Variants in NPSR1 observed in about 807,000 individuals in gnomAD.
The protein encoded by NPSR1 is neuropeptide S receptor.
In NPSR1, 48 loss-of-function variants were observed where a neutral mutation model predicts 46.9. The ratio of observed to expected loss-of-function variants is 1.02; its 90% confidence interval spans 0.81 to 1.30. NPSR1 has a LOEUF of 1.30. Among genes scored for constraint, NPSR1 ranks in the 50% most tolerant of loss-of-function variants. NPSR1 has a pLI of 0.00. For missense variants in NPSR1, 450 were observed against 449.5 expected, an observed-to-expected ratio of 1.00 and a Z score of -0.01; for synonymous variants, 176 against 168.1, an observed-to-expected ratio of 1.05 and a Z score of -0.36.
At chr7:34,663,825 C>A (rs1341082856) in intron 1 of NPSR1, among the ~76,000 whole-genome samples, 1 of 152,214 alleles carries the variant, frequency 6.6e-6, no homozygotes, top group Non-Finnish European at 1.5e-5. Context: ...AAACCCATTT[C>A]TCTTCCAGCT....
chr7:34,765,017 C>T (rs1786364625), intron 2 of NPSR1, among the ~76,000 whole-genome samples: 2 of 152,088 alleles, frequency 1.3e-5, no homozygotes, highest in Non-Finnish European at 2.9e-5. Flanking sequence ...GGCATTAAAA[C>T]CCTTCAGCGT....
chr7:34,746,566 T>A (rs1444795002), intron 2 of NPSR1, among the ~76,000 whole-genome samples: 2 of 152,330 alleles, frequency 1.3e-5, no homozygotes, highest in East Asian at 3.9e-4. Flanking sequence ...TGCTGTAATA[T>A]TTTTGCTTCT....
chr7:34,764,937 G>A (rs1180376432), intron 2 of NPSR1, among the ~76,000 whole-genome samples: 4 of 152,134 alleles, frequency 2.6e-5, no homozygotes, highest in African/African-American at 9.7e-5. Flanking sequence ...AAAACCACCA[G>A]TAGCAAGCAT....
chr7:34,757,718 C>T (rs529660907), intron 2 of NPSR1, among the ~76,000 whole-genome samples: 1 of 152,174 alleles, frequency 6.6e-6, no homozygotes, highest in Non-Finnish European at 1.5e-5. Flanking sequence ...AGTGACCCAA[C>T]CTCGGCCCAA....
At chr7:34,704,050 C>T (rs893976483) in intron 2 of NPSR1, 15 of 152,292 alleles carry the variant, frequency 9.8e-5, no homozygotes, top group African/African-American at 2.9e-4. Context: ...CTTAGGAATT[C>T]TCTGCCCTCA....
At chr7:34,809,549 T>C (rs960575173) in intron 3 of NPSR1, among the ~76,000 whole-genome samples, 2 of 149,730 alleles carry the variant, frequency 1.3e-5, no homozygotes, top group African/African-American at 2.5e-5. Context: ...CTGCAAGCTC[T>C]GCCTCCCGGG....
chr7:34,875,468 A>G (rs920067270), intron 8 of NPSR1, among the ~76,000 whole-genome samples: 1 of 152,190 alleles, frequency 6.6e-6, no homozygotes, highest in East Asian at 1.9e-4. Flanking sequence ...AAGGAATGAG[A>G]TGGAAGGCTG....
chr7:34,780,314 G>T (rs1055589682), intron 3 of NPSR1, among the ~76,000 whole-genome samples: 1 of 152,042 alleles, frequency 6.6e-6, no homozygotes, highest in Non-Finnish European at 1.5e-5. Flanking sequence ...GATAACCTAT[G>T]GTTTCTCCCA....
intron 3 of NPSR1, among the ~76,000 whole-genome samples, chr7:34,790,746 A>AATATATATGTTATATGTTATATATAAT (rs111929376): frequency 6.7e-5 from 7 of 104,664 alleles, no homozygotes; most frequent in African/African-American, 2.4e-4. Flanking sequence ...TGTTATATAT[A>AATATATATGTTATATGTTATATATAAT]ATATATGTTA....
intron 6 of NPSR1, among the ~76,000 whole-genome samples, chr7:34,838,966 T>C (rs1362658418): frequency 6.6e-6 from 1 of 152,216 alleles, no homozygotes; most frequent in African/African-American, 2.4e-5. Context: ...ATCCATGCTA[T>C]ATCCAAATTC....
chr7:34,751,073 C>A, intron 2 of NPSR1: 1 of 790,150 alleles, frequency 1.3e-6, no homozygotes, highest in South Asian at 1.4e-5. Flanking sequence ...TCACCTGCCC[C>A]TTTACCTTCA....
intron 2 of NPSR1, among the ~76,000 whole-genome samples, chr7:34,767,857 T>G (rs529823643): frequency 1.7e-4 from 26 of 152,128 alleles, no homozygotes; most frequent in African/African-American, 6.0e-4. Context: ...AGGAAGACAG[T>G]GGAAAATATA....
chr7:34,676,227 C>A (rs568910218), intron 1 of NPSR1, among the ~76,000 whole-genome samples: 3 of 152,180 alleles, frequency 2.0e-5, no homozygotes, highest in Non-Finnish European at 4.4e-5. Context: ...GTAACAGGCA[C>A]TGAGCTAAAA....
intron 1 of NPSR1, among the ~76,000 whole-genome samples, chr7:34,675,830 C>A (rs757650808): frequency 2.0e-5 from 3 of 152,234 alleles, no homozygotes; most frequent in Non-Finnish European, 4.4e-5. Context: ...CATGTGCCAG[C>A]AACCATGTAA....
intron 4 of NPSR1, among the ~76,000 whole-genome samples, chr7:34,823,793 C>T (rs975348761): frequency 5.3e-5 from 8 of 151,984 alleles, no homozygotes; most frequent in African/African-American, 1.7e-4. Flanking sequence ...GTATAACCAC[C>T]GGAAAAAATG....
chr7:34,791,223 T>C (rs1787856463), intron 3 of NPSR1, among the ~76,000 whole-genome samples: 1 of 97,424 alleles, frequency 1.0e-5, no homozygotes, highest in Non-Finnish European at 2.0e-5. Flanking sequence ...ATGTTATATG[T>C]TATATATTAT....
At chr7:34,793,381 C>CA (rs1012543929) in intron 3 of NPSR1, among the ~76,000 whole-genome samples, 14 of 151,838 alleles carry the variant, frequency 9.2e-5, no homozygotes, top group African/African-American at 3.4e-4. Context: ...AAACCCAATC[C>CA]AAAAAATGGG....
At chr7:34,710,731 C>A in intron 2 of NPSR1, 1 of 374,288 alleles carries the variant, frequency 2.7e-6, no homozygotes, top group East Asian at 6.6e-5. Flanking sequence ...AATTATTCTG[C>A]CTATAAGCAT....
At chr7:34,813,652 G>A (rs1789101687) in intron 4 of NPSR1, among the ~76,000 whole-genome samples, 1 of 152,154 alleles carries the variant, frequency 6.6e-6, no homozygotes, top group Admixed American at 6.5e-5. Flanking sequence ...GAGAGGAGCA[G>A]AAAGAGAGAA....
Sources: gnomAD v4.1 joint callset for allele counts (sites outside exome capture counted in the v4.1 genomes callset) on GRCh38, gnomAD v4.1.1 for gene constraint, MANE v1.5 for transcripts, NCBI Gene and HGNC (gene_info 2026-07-23, HGNC 2026-07-21) for gene names.